Variants in FCN1 observed in about 807,000 individuals in gnomAD.
FCN1 encodes the protein ficolin-1.
In FCN1, 42 loss-of-function variants were observed where a neutral mutation model predicts 35.6. That is an observed-to-expected ratio of 1.18 (90% CI 0.92 to 1.53). The LOEUF is 1.53. Ranked by LOEUF, FCN1 falls within the 40% of genes most tolerant of loss-of-function variation. FCN1 has a pLI of 0.00. For missense variants in FCN1, 439 were observed against 428.4 expected (o/e 1.02, Z -0.22); for synonymous variants, 179 against 169.8 (o/e 1.05, Z -0.42).
rs759743438 is a variant in FCN1 at position 134,907,211 on chromosome 9, C to T, written c.*2587G>A. 3 of 152,120 alleles carry T rather than the reference C, an allele frequency of 2.0e-5. No homozygotes were observed. Among genetic ancestry groups the T allele is most frequent in the East Asian group, 1.9e-4 (1 of 5,202 alleles). 9.4% of individuals were successfully genotyped at this position (152,120 alleles called of 1,614,324 possible). A position where few individuals can be genotyped will look rare whatever the true frequency, so the allele number is the denominator to read the frequency against. On this transcript the variant is annotated 3_prime_UTR_variant, in exon 9 of 9. Transcript: ENST00000371806. ...GTAAAAATGCTTACCTACTGAGGGA[C>T]GAAAGTACTATCCCAATAGTGGATT...
In FCN1 at chr9:134,905,663, T is replaced by C. The variant is rs569256137; in HGVS notation, c.*4135A>G. ...CATGAACGGCTAATTTTTTTGTATT[T>C]TTAGTAGAGACGGGGTTTCATCATG... On this transcript the variant is annotated 3_prime_UTR_variant, in exon 9 of 9. Coordinates refer to ENST00000371806, the MANE Select transcript of FCN1 (RefSeq NM_002003.5). 6.6e-6 allele frequency among the ~76,000 whole-genome samples: 1 copy of C among 151,720 alleles called. No homozygotes were observed. Among genetic ancestry groups the C allele is most frequent in the South Asian group, 2.1e-4 (1 of 4,782 alleles).
In FCN1 at chr9:134,903,982, GA is replaced by G. The variant is rs1428987166; in HGVS notation, c.*5815del. Among the ~76,000 whole-genome samples, 3 of 152,086 alleles carry G rather than the reference GA, an allele frequency of 2.0e-5. No individual in the cohort carries two copies. The highest frequency in any genetic ancestry group is 7.2e-5 in the African/African-American group (3 of 41,452). On this transcript the variant is annotated 3_prime_UTR_variant, in exon 9 of 9. Transcript: ENST00000371806. ...AAATATCCAGACTGAATGTGAAAAG[GA>G]AAAAAGAATACAAATCCAGAAACTA...
intron 7 of FCN1, 22 bp downstream of exon 7, chr9:134,912,464 T>A (rs1028363955): frequency 9.9e-6 from 16 of 1,610,090 alleles, no homozygotes; most frequent in Non-Finnish European, 1.4e-5. Context: ...CCCCAACCCC[T>A]GAGCCACGGC....
intron 8 of FCN1, 56 bp from the exon 9 acceptor site, chr9:134,910,101 G>T: frequency 6.7e-7 from 1 of 1,490,774 alleles, no homozygotes; most frequent in Non-Finnish European, 9.3e-7. Flanking sequence ...GCCACTGTGA[G>T]ACCCTCACCA....
intron 5 of FCN1, 111 bp downstream of exon 5, chr9:134,913,470 T>C: frequency 1.2e-6 from 1 of 810,640 alleles, no homozygotes; most frequent in Non-Finnish European, 2.0e-6. Context: ...GAGGGGGGGA[T>C]GATAGGTGCA....
chr9:134,912,372 C>A, intron 7 of FCN1, 114 bp downstream of exon 7: 1 of 1,124,534 alleles, frequency 8.9e-7, no homozygotes, highest in South Asian at 1.6e-5. Context: ...CCTGAGTGTG[C>A]TCAGGGCCCA....
At chr9:134,914,349 T>G (rs1335971351) in intron 4 of FCN1, 36 bp downstream of exon 4, 2 of 1,604,598 alleles carry the variant, frequency 1.2e-6, no homozygotes, top group Admixed American at 1.7e-5. Flanking sequence ...GGACAAAGCC[T>G]GCAGAGACAA....
rs761444480 is a variant in FCN1, at chr9:134,909,738, G to C, written c.*60C>G. On this transcript the variant is annotated 3_prime_UTR_variant, in exon 9 of 9. Coordinates refer to ENST00000371806, the MANE Select transcript of FCN1 (RefSeq NM_002003.5). ...GGGGAAATGGGGTGACTTCCACGAC[G>C]CAGCGCTTGTGGGTGTGGCCTCCCC... 2 of 1,602,324 alleles carry C rather than the reference G, an allele frequency of 1.2e-6. No individual in the cohort carries two copies. The highest frequency in any genetic ancestry group is 4.5e-5 in the East Asian group (2 of 44,842).
Position 134,907,407 on chromosome 9 carries a change from GT to G in FCN1, c.*2390del, listed in dbSNP as rs1830968285. ...AGCATGTGCAGTTTCTTTATAAGTAGTTTTTAAATTGTGGAACATAACATGT... is the reference window on the plus strand; with the variant it reads ...AGCATGTGCAGTTTCTTTATAAGTAGTTTTAAATTGTGGAACATAACATGT... On this transcript the variant is annotated 3_prime_UTR_variant, in exon 9 of 9. Transcript: ENST00000371806. 6.6e-6 allele frequency: 1 copy of G among 152,206 alleles called. No individual in the cohort carries two copies. The allele number at this position is 152,206 out of a possible 1,614,324, so 9.4% of individuals were successfully genotyped here. A position where few individuals can be genotyped will look rare whatever the true frequency, so the allele number is the denominator to read the frequency against.
chr9:134,910,193 T>C, intron 8 of FCN1, 148 bp from the exon 9 acceptor site: 1 of 764,186 alleles, frequency 1.3e-6, no homozygotes, highest in South Asian at 1.6e-5. Context: ...CACCCAGGCC[T>C]TGGAGGAAGG....
rs1830915141 is a variant in FCN1 at position 134,904,187 on chromosome 9, A to G, written c.*5611T>C. ...AACCCCAAGCAAGACAAATTCAGAG[A>G]AAGTCTCATCCAGGCACCTTGTAGT... On this transcript the variant is annotated 3_prime_UTR_variant, in exon 9 of 9. Transcript: ENST00000371806. Among the ~76,000 whole-genome samples the G allele has an allele frequency of 6.6e-6, 1 of 152,226 alleles. No individual in the cohort carries two copies. The highest frequency in any genetic ancestry group is 2.1e-4 in the South Asian group (1 of 4,832).
rs1375259984 is a variant in FCN1, at chr9:134,905,877, T to G, written c.*3921A>C. ...CTCTTCCTCTTCCTCTTCTTCTTCT[T>G]CTTCTTCTTCTTCTTCTTCTTCTTC... On this transcript the variant is annotated 3_prime_UTR_variant, in exon 9 of 9. Transcript: ENST00000371806. The G allele has an allele frequency of 0.02, 1,439 of 70,800 alleles. 312 individuals carry two copies. Among genetic ancestry groups the G allele is most frequent in the South Asian group, 0.054 (123 of 2,288 alleles). The allele number at this position is 70,800 out of a possible 1,614,324, so 4.4% of individuals were successfully genotyped here.
At chr9:134,913,320 C>G (rs1451429292) in intron 5 of FCN1, among the ~76,000 whole-genome samples, 177 bp from the exon 6 acceptor site, 2 of 152,166 alleles carry the variant, frequency 1.3e-5, no homozygotes, top group Non-Finnish European at 2.9e-5. Flanking sequence ...ATGCCCACAC[C>G]CAGTCTGCCG....
rs781082873 is a variant in FCN1 at position 134,914,746 on chromosome 9, C to A, written c.271+10G>T. ...GCTCAAGGCCTCCTCGCTGTCTGTC[C>A]CCTGGTTACCTTTGGGCCCCACTGG... On this transcript the variant is annotated intron_variant, in intron 3 of 8. Transcript: ENST00000371806. The A allele has an allele frequency of 6.2e-7, 1 of 1,608,228 alleles. No individual in the cohort carries two copies. Among genetic ancestry groups the A allele is most frequent in the South Asian group, 1.1e-5 (1 of 90,274 alleles).
intron 8 of FCN1, 139 bp from the exon 9 acceptor site, chr9:134,910,184 AC>A (rs1229576925): frequency 3.1e-5 from 25 of 794,656 alleles, no homozygotes; most frequent in Non-Finnish European, 5.1e-5. Context: ...CAAATGACCC[AC>A]CCAGGCCTTG....
chr9:134,912,762 C>T, intron 6 of FCN1, 147 bp from the exon 7 acceptor site: 1 of 1,218,428 alleles, frequency 8.2e-7, no homozygotes, highest in Non-Finnish European at 1.1e-6. Context: ...TCCTCACAGA[C>T]TCCACAGGAT....
In FCN1 at chr9:134,906,319, T is replaced by G. The variant is rs1830957642; in HGVS notation, c.*3479A>C. ...CTCAATTCATCCTGAATATTTTAAG[T>G]TTGGCTTACAGTTCTTGTTTTTCTA... On this transcript the variant is annotated 3_prime_UTR_variant, in exon 9 of 9. Coordinates refer to ENST00000371806, the MANE Select transcript of FCN1 (RefSeq NM_002003.5). 6.6e-6 allele frequency: 1 copy of G among 152,210 alleles called. No individual in the cohort carries two copies. Among genetic ancestry groups the G allele is most frequent in the African/African-American group, 2.4e-5 (1 of 41,450 alleles). The allele number at this position is 152,210 out of a possible 1,614,324, so 9.4% of individuals were successfully genotyped here.
chr9:134,912,724 C>A, intron 6 of FCN1, 109 bp from the exon 7 acceptor site: 1 of 1,451,148 alleles, frequency 6.9e-7, no homozygotes. Flanking sequence ...GCATCACAGG[C>A]CGGTGCCACA....
At chr9:134,914,625 TTC>T (rs1347261960) in intron 3 of FCN1, 129 bp downstream of exon 3, 6 of 907,378 alleles carry the variant, frequency 6.6e-6, no homozygotes, top group South Asian at 1.5e-5. Flanking sequence ...GCCACTGTCT[TTC>T]TCTCTCTGTT....
Sources: allele counts gnomAD v4.1 joint callset (sites outside exome capture counted in the v4.1 genomes callset), GRCh38; gene constraint gnomAD v4.1.1; transcripts MANE v1.5; gene names NCBI Gene and HGNC (gene_info 2026-07-23, HGNC 2026-07-21).